RASAL2: variants seen among roughly 807,000 people sequenced by gnomAD.
RASAL2 encodes RAS protein activator like 2.
In RASAL2, 58 loss-of-function variants were observed where a neutral mutation model predicts 128.9. That is an observed-to-expected ratio of 0.45 (90% CI 0.36 to 0.56). The LOEUF (loss-of-function observed/expected upper bound fraction) is 0.56, where lower values mean the gene tolerates loss of function less well. RASAL2 is among the 20% of genes least tolerant of loss of function. The pLI is 0.00. For synonymous variants in RASAL2, 561 were observed against 580.8 expected, an observed-to-expected ratio of 0.97 and a Z score of 0.49; for missense variants, 1,360 against 1,601.6, an observed-to-expected ratio of 0.85 and a Z score of 2.57.
chr1:178,173,914 T>TA (rs1553256261), intron 1 of RASAL2, among the ~76,000 whole-genome samples: 23,080 of 150,362 alleles, frequency 0.15, 2,849 homozygotes, highest in African/African-American at 0.35. Flanking sequence ...TTTTTTTTTT[T>TA]AAAAAAGTTC....
intron 9 of RASAL2, among the ~76,000 whole-genome samples, chr1:178,449,769 C>G (rs1677253949): frequency 6.6e-6 from 1 of 152,012 alleles, no homozygotes; most frequent in African/African-American, 2.4e-5. Flanking sequence ...GGGACAAAAA[C>G]TTTTTAAGCT....
intron 1 of RASAL2, among the ~76,000 whole-genome samples, chr1:178,134,571 G>A (rs570725365): frequency 1.3e-5 from 2 of 152,016 alleles, no homozygotes; most frequent in East Asian, 1.9e-4. Flanking sequence ...GCAGGAGACC[G>A]ATGATTAACA....
intron 3 of RASAL2, among the ~76,000 whole-genome samples, chr1:178,386,258 A>G (rs1467392846): frequency 1.3e-5 from 2 of 152,198 alleles, no homozygotes; most frequent in African/African-American, 2.4e-5. Context: ...ATAGTACTCT[A>G]TTTTGGATTT....
At chr1:178,122,838 A>AT (rs5778973) in intron 1 of RASAL2, among the ~76,000 whole-genome samples, 8 of 141,630 alleles carry the variant, frequency 5.6e-5, no homozygotes, top group Non-Finnish European at 1.1e-4. Context: ...CTTACTTTCC[A>AT]TTTTTTTTTT....
chr1:178,437,597 T>G (rs1676337299), intron 5 of RASAL2, among the ~76,000 whole-genome samples: 1 of 152,116 alleles, frequency 6.6e-6, no homozygotes, highest in Non-Finnish European at 1.5e-5. Context: ...TCTTTCCTGT[T>G]GAGAAGCTCA....
At chr1:178,338,396 C>T (rs1170860261) in intron 3 of RASAL2, among the ~76,000 whole-genome samples, 2 of 152,142 alleles carry the variant, frequency 1.3e-5, no homozygotes, top group Non-Finnish European at 2.9e-5. Context: ...TCCCAAAGTG[C>T]TGGGATTACA....
chr1:178,119,306 A>T (rs1659629479), intron 1 of RASAL2, among the ~76,000 whole-genome samples: 1 of 152,176 alleles, frequency 6.6e-6, no homozygotes, highest in Admixed American at 6.5e-5. Flanking sequence ...AAGCCATCTC[A>T]CTTCTGTGTG....
At chr1:178,096,026 A>C (rs1045729414) in intron 1 of RASAL2, among the ~76,000 whole-genome samples, 2 of 152,186 alleles carry the variant, frequency 1.3e-5, no homozygotes, top group Non-Finnish European at 2.9e-5. Context: ...CGGAAGATTT[A>C]AAGCAAAGGA....
chr1:178,349,964 A>G (rs1670372095), intron 3 of RASAL2, among the ~76,000 whole-genome samples: 1 of 152,164 alleles, frequency 6.6e-6, no homozygotes, highest in Non-Finnish European at 1.5e-5. Context: ...ACTCTTGAAC[A>G]TGCCCGTCTT....
intron 2 of RASAL2, among the ~76,000 whole-genome samples, chr1:178,284,250 T>C (rs1183214092): frequency 1.3e-5 from 2 of 152,196 alleles, no homozygotes; most frequent in Non-Finnish European, 2.9e-5. Context: ...ACAGTTGCTG[T>C]GGTTATGCAC....
At chr1:178,154,354 G>A (rs879930636) in intron 1 of RASAL2, among the ~76,000 whole-genome samples, 4 of 152,018 alleles carry the variant, frequency 2.6e-5, no homozygotes, top group Non-Finnish European at 5.9e-5. Flanking sequence ...TCCCTGTGTT[G>A]TCCAGGCTGG....
At chr1:178,435,921 G>T (rs539573446) in intron 5 of RASAL2, among the ~76,000 whole-genome samples, 2 of 152,104 alleles carry the variant, frequency 1.3e-5, no homozygotes, top group African/African-American at 4.8e-5. Context: ...AGATTGGACT[G>T]GGAATCATTA....
intron 1 of RASAL2, 29 bp from the exon 2 acceptor site, chr1:178,283,535 C>T (rs764282138): frequency 1.9e-6 from 3 of 1,593,920 alleles, no homozygotes; most frequent in Non-Finnish European, 2.6e-6. Flanking sequence ...AATGATTTGT[C>T]ACTTTTGTTT....
At chr1:178,446,881 A>C (rs1265735728) in intron 9 of RASAL2, among the ~76,000 whole-genome samples, 2 of 152,248 alleles carry the variant, frequency 1.3e-5, no homozygotes, top group Non-Finnish European at 2.9e-5. Context: ...GACATTGAGC[A>C]AGAGCAGATA....
At chr1:178,205,746 G>A (rs1225193391) in intron 1 of RASAL2, among the ~76,000 whole-genome samples, 1 of 151,872 alleles carries the variant, frequency 6.6e-6, no homozygotes, top group African/African-American at 2.4e-5. Context: ...GACAGAGCGA[G>A]ACTCCGTCTA....
intron 1 of RASAL2, among the ~76,000 whole-genome samples, chr1:178,219,790 A>G (rs1471171823): frequency 6.6e-6 from 1 of 151,830 alleles, no homozygotes; most frequent in Non-Finnish European, 1.5e-5. Context: ...GAGATATGTG[A>G]CTCTTCCTTT....
At chr1:178,340,547 G>T (rs905383255) in intron 3 of RASAL2, among the ~76,000 whole-genome samples, 15 of 152,098 alleles carry the variant, frequency 9.9e-5, no homozygotes, top group African/African-American at 3.6e-4. Context: ...GCATCTAGTA[G>T]AAAATTAGCT....
chr1:178,155,706 G>A (rs1661063279), intron 1 of RASAL2, among the ~76,000 whole-genome samples: 3 of 149,048 alleles, frequency 2.0e-5, no homozygotes, highest in African/African-American at 5.0e-5. Flanking sequence ...TTCTCCCTCC[G>A]TTCTGCTGAA....
At chr1:178,259,859 CT>C (rs924755255) in intron 1 of RASAL2, among the ~76,000 whole-genome samples, 2 of 152,132 alleles carry the variant, frequency 1.3e-5, no homozygotes, top group Non-Finnish European at 2.9e-5. Context: ...TCACTCCCCC[CT>C]GCATGTTTTG....
Sources: gnomAD v4.1 joint callset for allele counts (sites outside exome capture counted in the v4.1 genomes callset) on GRCh38, gnomAD v4.1.1 for gene constraint, MANE v1.5 for transcripts, NCBI Gene and HGNC (gene_info 2026-07-23, HGNC 2026-07-21) for gene names.